SPATA16: variants seen among roughly 807,000 people sequenced by gnomAD.
The protein encoded by SPATA16 is spermatogenesis-associated protein 16.
A neutral mutation model predicts 63.3 loss-of-function variants in SPATA16; 36 were observed. The ratio of observed to expected loss-of-function variants is 0.57; its 90% CI spans 0.44 to 0.75. SPATA16 has a LOEUF of 0.75. Ranked by LOEUF, SPATA16 falls within the 30% of genes least tolerant of loss-of-function variation. The pLI, the probability that SPATA16 is intolerant of heterozygous loss-of-function variation, is 0.00. For missense variants in SPATA16, 646 were observed against 679.3 expected, an observed-to-expected ratio of 0.95 and a Z score of 0.54; for synonymous variants, 203 against 216.7, an observed-to-expected ratio of 0.94 and a Z score of 0.56.
Position 173,089,203 on chromosome 3 carries a change from G to A in SPATA16, c.612+27917C>T, listed in dbSNP as rs190896920. Among the ~76,000 whole-genome samples, 390 of 152,222 alleles carry A rather than the reference G, an allele frequency of 2.6e-3. 1 individual carries two copies. In the Middle Eastern group the frequency reaches 0.037, roughly 15 times the overall value. The stretch of plus-strand genomic sequence containing the variant: ...AATACATCCATAGAGAATTGGTTTG[G>A]GTCTAGGGGAAGAACTTATTTCAGA... On this transcript the variant is annotated intron_variant, in intron 2 of 10. Transcript: ENST00000351008.
At chr3:173,121,353 T>C (rs1738067848) in intron 1 of SPATA16, among the ~76,000 whole-genome samples, 1 of 152,256 alleles carries the variant, frequency 6.6e-6, no homozygotes, top group East Asian at 1.9e-4. Flanking sequence ...TTTTCAGCCT[T>C]ATTTAGCACT....
chr3:173,127,640 G>A (rs368035321), intron 1 of SPATA16, among the ~76,000 whole-genome samples: 1 of 152,170 alleles, frequency 6.6e-6, no homozygotes, highest in Non-Finnish European at 1.5e-5. Flanking sequence ...CAGGTTAAGC[G>A]GCCTCAGCCA....
In SPATA16 at chr3:172,978,161, C is replaced by CTCTA. The variant is rs779050166; in HGVS notation, c.849-1110_849-1109insTAGA. Among the ~76,000 whole-genome samples, 499 of 147,316 alleles carry CTCTA rather than the reference C, an allele frequency of 3.4e-3. 2 individuals are homozygous for CTCTA. The highest frequency in any genetic ancestry group is 0.011 in the African/African-American group (431 of 39,618). On this transcript the variant is annotated intron_variant, in intron 4 of 10. Coordinates refer to ENST00000351008, the MANE Select transcript of SPATA16 (RefSeq NM_031955.6). ...TCCCTCTCTCTCTCTCTCTCTCTCT[C>CTCTA]TATATATATATATAAACACAGGTAG...
intron 5 of SPATA16, among the ~76,000 whole-genome samples, chr3:172,972,422 A>G (rs1385575545): frequency 6.6e-6 from 1 of 152,208 alleles, no homozygotes; most frequent in East Asian, 1.9e-4. Flanking sequence ...GTCAAGATAC[A>G]AGAGCACACC....
intron 2 of SPATA16, among the ~76,000 whole-genome samples, chr3:173,081,165 G>T (rs1465403340): frequency 1.3e-5 from 2 of 152,126 alleles, no homozygotes; most frequent in Non-Finnish European, 2.9e-5. Context: ...CTGAAAACAC[G>T]GTAGCTAGCA....
intron 2 of SPATA16, among the ~76,000 whole-genome samples, chr3:173,096,211 C>T (rs529039045): frequency 3.0e-4 from 46 of 152,088 alleles, no homozygotes; most frequent in Middle Eastern, 3.4e-3. Flanking sequence ...TTTGGGTCAG[C>T]GCTGGCACTA....
At chr3:172,987,716 C>A (rs1490310937) in intron 4 of SPATA16, among the ~76,000 whole-genome samples, 1 of 152,148 alleles carries the variant, frequency 6.6e-6, no homozygotes, top group Non-Finnish European at 1.5e-5. Context: ...TTCACAGCAG[C>A]AGTTTCTGGA....
In SPATA16 at chr3:173,131,532, G is replaced by A. The variant is rs370276070; in HGVS notation, c.-19+9571C>T. ...TAATGTTGAAACCTGTAAGCTTTGG[G>A]TAAATATGTGGCAAGCCTCAAACAC... is the stretch of plus-strand genomic sequence containing the variant. On this transcript the variant is annotated intron_variant, in intron 1 of 10. Transcript: ENST00000351008. Among the ~76,000 whole-genome samples, 25 of 152,232 alleles carry A rather than the reference G, an allele frequency of 1.6e-4. 1 individual carries two copies. The highest frequency in any genetic ancestry group is 1.2e-3 in the East Asian group (6 of 5,176).
chr3:173,048,501 G>A (rs1301282138), intron 3 of SPATA16, among the ~76,000 whole-genome samples: 2 of 152,038 alleles, frequency 1.3e-5, no homozygotes, highest in Non-Finnish European at 2.9e-5. Context: ...CATACCTTTG[G>A]AAAGCTGTCC....
At chr3:173,107,175 A>C (rs1737639623) in intron 2 of SPATA16, among the ~76,000 whole-genome samples, 1 of 152,062 alleles carries the variant, frequency 6.6e-6, no homozygotes. Context: ...CTCTTACCCC[A>C]ATGTCACTCT....
At chr3:172,982,801 T>C (rs541263432) in intron 4 of SPATA16, among the ~76,000 whole-genome samples, 1 of 152,222 alleles carries the variant, frequency 6.6e-6, no homozygotes, top group African/African-American at 2.4e-5. Context: ...TGGATATTTC[T>C]AAGACTGTGC....
At chr3:172,990,652 C>T (rs921445647) in intron 4 of SPATA16, among the ~76,000 whole-genome samples, 1 of 152,140 alleles carries the variant, frequency 6.6e-6, no homozygotes, top group African/African-American at 2.4e-5. Context: ...TGATGGGTCA[C>T]ATGAGACAGG....
At chr3:173,037,443 C>G (rs974068365) in intron 3 of SPATA16, among the ~76,000 whole-genome samples, 1 of 152,038 alleles carries the variant, frequency 6.6e-6, no homozygotes, top group Non-Finnish European at 1.5e-5. Context: ...CTTTCATCTG[C>G]TAATTTCTCA....
intron 6 of SPATA16, among the ~76,000 whole-genome samples, chr3:172,950,719 A>G (rs1405464064): frequency 2.6e-5 from 4 of 152,202 alleles, no homozygotes; most frequent in Non-Finnish European, 5.9e-5. Context: ...AATGAAAAGT[A>G]ATTTTTAAAG....
intron 8 of SPATA16, 118 bp downstream of exon 8, chr3:172,924,090 A>T: frequency 1.2e-6 from 1 of 808,262 alleles, no homozygotes; most frequent in Non-Finnish European, 2.0e-6. Context: ...AATGAGATTT[A>T]CTATGAACGT....
intron 3 of SPATA16, among the ~76,000 whole-genome samples, chr3:173,040,334 A>G (rs530585289): frequency 6.6e-6 from 1 of 152,220 alleles, no homozygotes; most frequent in African/African-American, 2.4e-5. Flanking sequence ...AAATAAGCCT[A>G]TGTATTTACC....
chr3:173,016,472 C>G (rs1735190451), intron 4 of SPATA16, among the ~76,000 whole-genome samples: 1 of 152,216 alleles, frequency 6.6e-6, no homozygotes, highest in South Asian at 2.1e-4. Context: ...GTTATATATA[C>G]CTTTATCTTG....
At chr3:173,024,738 G>T (rs995619688) in intron 3 of SPATA16, among the ~76,000 whole-genome samples, 5 of 150,344 alleles carry the variant, frequency 3.3e-5, no homozygotes, top group African/African-American at 1.2e-4. Context: ...CTGATATTAG[G>T]TTTAGCTATT....
rs549204744 is a variant in SPATA16, at chr3:173,003,396, A to G, written c.848+16090T>C. ...AAACTCGATGAAATGAAAAATACAA[A>G]TAATTCTAACAATACCCTTATCATC... On this transcript the variant is annotated intron_variant, in intron 4 of 10. Transcript: ENST00000351008. Among the ~76,000 whole-genome samples the G allele has an allele frequency of 3.8e-4, 58 of 152,324 alleles. No homozygotes were observed. The South Asian group carries it at 0.012, about 32-fold the overall frequency.
Sources: gnomAD v4.1 joint callset for allele counts (sites outside exome capture counted in the v4.1 genomes callset) on GRCh38, gnomAD v4.1.1 for gene constraint, MANE v1.5 for transcripts, NCBI Gene and HGNC (gene_info 2026-07-23, HGNC 2026-07-21) for gene names.